The following HS6ST3 variants were observed in gnomAD, a reference collection of about 807,000 sequenced individuals.
The protein encoded by HS6ST3 is heparan-sulfate 6-O-sulfotransferase 3.
HS6ST3 carries 12 observed loss-of-function variants against 36.7 expected under a neutral mutation model. The observed-to-expected ratio is 0.33, with a 90% CI of 0.21 to 0.53. HS6ST3 has a LOEUF of 0.53. Among genes scored for constraint, HS6ST3 ranks in the 20% least tolerant of loss-of-function variants. The probability of loss-of-function intolerance (pLI) is 0.95; values close to 1 mark genes in which losing one functional copy is unlikely to be tolerated. For synonymous variants in HS6ST3, 240 were observed against 257.5 expected (o/e 0.93, Z 0.65); for missense variants, 584 against 640.9 (o/e 0.91, Z 0.96).
chr13:96,344,311 A>G (rs2055143615), intron 1 of HS6ST3, among the ~76,000 whole-genome samples: 1 of 152,212 alleles, frequency 6.6e-6, no homozygotes, highest in African/African-American at 2.4e-5. Flanking sequence ...TATGACTGAA[A>G]TAAACTAATA....
intron 1 of HS6ST3, among the ~76,000 whole-genome samples, chr13:96,675,229 T>A (rs1183488229): frequency 6.6e-6 from 1 of 152,134 alleles, no homozygotes; most frequent in African/African-American, 2.4e-5. Flanking sequence ...AAAATTTAGA[T>A]CACCCTAAAT....
At chr13:96,142,515 T>A (rs2054036894) in intron 1 of HS6ST3, among the ~76,000 whole-genome samples, 1 of 152,176 alleles carries the variant, frequency 6.6e-6, no homozygotes, top group Non-Finnish European at 1.5e-5. Flanking sequence ...AAAGTGTAAA[T>A]GGATGCTATC....
At chr13:96,510,958 TATC>T (rs2056047371) in intron 1 of HS6ST3, among the ~76,000 whole-genome samples, 1 of 152,160 alleles carries the variant, frequency 6.6e-6, no homozygotes, top group African/African-American at 2.4e-5. Context: ...TTTCTGCATG[TATC>T]ATCAAGTTTG....
At chr13:96,736,868 A>C (rs895414451) in intron 1 of HS6ST3, among the ~76,000 whole-genome samples, 1 of 152,212 alleles carries the variant, frequency 6.6e-6, no homozygotes, top group African/African-American at 2.4e-5. Flanking sequence ...GGAGACAATA[A>C]GAAAATCAAA....
At chr13:96,142,008 A>G (rs1030412634) in intron 1 of HS6ST3, among the ~76,000 whole-genome samples, 1 of 148,200 alleles carries the variant, frequency 6.7e-6, no homozygotes, top group Non-Finnish European at 1.5e-5. Context: ...CAATCAAGAA[A>G]TCATGAAAGT....
chr13:96,541,194 C>T (rs1310711171), intron 1 of HS6ST3, among the ~76,000 whole-genome samples: 4 of 152,080 alleles, frequency 2.6e-5, no homozygotes, highest in South Asian at 2.1e-4. Context: ...TGCCACCCCA[C>T]CTGGCTAATT....
intron 1 of HS6ST3, among the ~76,000 whole-genome samples, chr13:96,394,741 A>C (rs572184273): frequency 6.4e-4 from 97 of 152,336 alleles, no homozygotes; most frequent in Middle Eastern, 3.4e-3. Context: ...CTTATGGTAC[A>C]TTGTCTGGTA....
chr13:96,286,703 G>T (rs1056287799), intron 1 of HS6ST3, among the ~76,000 whole-genome samples: 1 of 152,132 alleles, frequency 6.6e-6, no homozygotes, highest in Non-Finnish European at 1.5e-5. Context: ...TCACTCTCCT[G>T]ATGGGAGATA....
intron 1 of HS6ST3, among the ~76,000 whole-genome samples, chr13:96,532,963 A>C (rs1270270919): frequency 1.3e-5 from 2 of 152,146 alleles, no homozygotes; most frequent in African/African-American, 2.4e-5. Context: ...AGCTGTCTCC[A>C]ATGTTTCCCT....
chr13:96,648,893 G>A (rs1300155520), intron 1 of HS6ST3, among the ~76,000 whole-genome samples: 1 of 151,956 alleles, frequency 6.6e-6, no homozygotes, highest in Non-Finnish European at 1.5e-5. Flanking sequence ...TCTTTATCCA[G>A]TCTATCATTG....
At chr13:96,566,809 C>T (rs1409225451) in intron 1 of HS6ST3, among the ~76,000 whole-genome samples, 1 of 152,030 alleles carries the variant, frequency 6.6e-6, no homozygotes, top group Admixed American at 6.6e-5. Flanking sequence ...AGGGTTCAAC[C>T]ACAAGCATGT....
At chr13:96,362,187 G>T (rs2055241964) in intron 1 of HS6ST3, among the ~76,000 whole-genome samples, 4 of 152,306 alleles carry the variant, frequency 2.6e-5, no homozygotes, top group African/African-American at 7.2e-5. Flanking sequence ...GGGATTACCT[G>T]TGCAACCCCT....
chr13:96,335,063 T>C (rs1016628389), intron 1 of HS6ST3, among the ~76,000 whole-genome samples: 4 of 152,224 alleles, frequency 2.6e-5, no homozygotes, highest in African/African-American at 9.6e-5. Flanking sequence ...CTGGTGGGCA[T>C]CTTGACCTCC....
chr13:96,442,861 A>G (rs1422857766), intron 1 of HS6ST3, among the ~76,000 whole-genome samples: 1 of 151,890 alleles, frequency 6.6e-6, no homozygotes, highest in African/African-American at 2.4e-5. Context: ...CTGAAATTCT[A>G]GGAATAACAA....
intron 1 of HS6ST3, among the ~76,000 whole-genome samples, chr13:96,393,647 C>T (rs978978590): frequency 3.9e-5 from 6 of 152,056 alleles, no homozygotes; most frequent in Non-Finnish European, 7.4e-5. Context: ...TTAAACTTTG[C>T]GGCATTGCTT....
At chr13:96,426,621 T>C (rs904630506) in intron 1 of HS6ST3, among the ~76,000 whole-genome samples, 4 of 152,224 alleles carry the variant, frequency 2.6e-5, no homozygotes, top group African/African-American at 9.6e-5. Flanking sequence ...CATTTGACTT[T>C]TTTTAGTAAA....
chr13:96,812,222 T>C (rs763040538), intron 1 of HS6ST3, among the ~76,000 whole-genome samples: 11 of 152,224 alleles, frequency 7.2e-5, no homozygotes, highest in Non-Finnish European at 1.3e-4. Context: ...CATGGAAATC[T>C]ATTTAAAAAT....
intron 1 of HS6ST3, among the ~76,000 whole-genome samples, chr13:96,465,843 A>G (rs959495075): frequency 2.0e-5 from 3 of 152,232 alleles, no homozygotes; most frequent in Non-Finnish European, 4.4e-5. Context: ...AACACTCTCT[A>G]TGAGCCATAG....
At chr13:96,110,239 G>A (rs1292356078) in intron 1 of HS6ST3, among the ~76,000 whole-genome samples, 2 of 151,968 alleles carry the variant, frequency 1.3e-5, no homozygotes, top group Non-Finnish European at 2.9e-5. Context: ...AAGAGAGGGA[G>A]CAAGAGAAAG....
Sources: allele counts gnomAD v4.1 joint callset (sites outside exome capture counted in the v4.1 genomes callset), GRCh38; gene constraint gnomAD v4.1.1; transcripts MANE v1.5; gene names NCBI Gene and HGNC (gene_info 2026-07-23, HGNC 2026-07-21).